OTOG: variants seen among roughly 807,000 people sequenced by gnomAD.
OTOG encodes otogelin.
In OTOG, 296 loss-of-function variants were observed where a neutral mutation model predicts 313.8. That is an observed-to-expected ratio of 0.94 (90% CI 0.86 to 1.04). The LOEUF (loss-of-function observed/expected upper bound fraction) is 1.04, where lower values mean the gene tolerates loss of function less well. Ranked by LOEUF, OTOG falls within the 50% of genes least tolerant of loss-of-function variation. OTOG has a pLI of 0.00. For missense variants in OTOG, 3,948 were observed against 3,840.1 expected (o/e 1.03, Z -0.74); for synonymous variants, 1,533 against 1,554.9 (o/e 0.99, Z 0.33).
At position 17,599,660 on chromosome 11, in the gene OTOG, C is replaced by G; in HGVS notation, c.3683-11C>G. 1 of 1,550,688 alleles carries G rather than the reference C, an allele frequency of 6.4e-7. No individual in the cohort carries two copies. Among genetic ancestry groups the G allele is most frequent in the Non-Finnish European group, 8.7e-7 (1 of 1,147,012 alleles). On this transcript the variant is annotated splice_polypyrimidine_tract_variant and intron_variant, in intron 30 of 55. Coordinates refer to ENST00000399397, the MANE Select transcript of OTOG (RefSeq NM_001292063.2). ...CTGGCTCTCAGGAAGTTCCTGTTCT[C>G]TCTCTTTCAGCGTATGACTGTGACT...
chr11:17,557,462 C>T, intron 8 of OTOG, 139 bp downstream of exon 8: 6 of 797,412 alleles, frequency 7.5e-6, no homozygotes, highest in South Asian at 1.8e-5. Flanking sequence ...AGGCCAAGGA[C>T]CCCTTCCTAA....
chr11:17,617,011 G>A (rs1193812079), intron 39 of OTOG, among the ~76,000 whole-genome samples: 1 of 152,176 alleles, frequency 6.6e-6, no homozygotes, highest in Non-Finnish European at 1.5e-5. Flanking sequence ...CCTTTATCAG[G>A]TTAAGAACAT....
chr11:17,569,008 A>G (rs922352094), intron 15 of OTOG, 148 bp from the exon 16 acceptor site: 1 of 956,366 alleles, frequency 1.0e-6, no homozygotes, highest in Non-Finnish European at 1.5e-6. Flanking sequence ...ATTTGGTTGG[A>G]TGATCCCTGA....
chr11:17,580,385 T>A (rs1452602996), intron 23 of OTOG, among the ~76,000 whole-genome samples: 1 of 152,234 alleles, frequency 6.6e-6, no homozygotes. Flanking sequence ...CAGATAGCAT[T>A]GTTTCTTCTC....
intron 9 of OTOG, 31 bp from the exon 10 acceptor site, chr11:17,558,507 C>T (rs946955619): frequency 5.8e-6 from 9 of 1,549,504 alleles, no homozygotes; most frequent in Non-Finnish European, 7.9e-6. Context: ...TTTGCCAGCC[C>T]CTAGCCCTGG....
chr11:17,613,372 CCCTCCTTCCT>C (rs1853642311), intron 38 of OTOG, among the ~76,000 whole-genome samples: 2 of 103,640 alleles, frequency 1.9e-5, no homozygotes, highest in South Asian at 2.9e-4. Flanking sequence ...TTCCTTCCTT[CCCTCCTTCCT>C]TCCTTCCTTC....
Position 17,610,156 on chromosome 11 carries a change from C to T in OTOG, c.4856C>T (p.Ala1619Val). 1 of 1,550,654 alleles carries T rather than the reference C, an allele frequency of 6.4e-7. No individual in the cohort carries two copies. Among genetic ancestry groups the T allele is most frequent in the Non-Finnish European group, 8.7e-7 (1 of 1,146,988 alleles). Residue 1619 changes from alanine to valine, a missense_variant, in exon 36 of 56, where the codon GCT becomes GTT. Transcript: ENST00000399397. Reference sequence around the variant, plus strand: ...CCTCGCTTCCCGCTCATGACCAAGGCTGTGACAGTCCGAGGCCATGGCTCC... The same window carrying T: ...CCTCGCTTCCCGCTCATGACCAAGGTTGTGACAGTCCGAGGCCATGGCTCC... Reference protein sequence around the residue: ...PAPRFPLMTKAVTVRGHGSLP... With the variant: ...PAPRFPLMTKVVTVRGHGSLP...
At chr11:17,609,344 G>A in intron 35 of OTOG, 135 bp downstream of exon 35, 1 of 797,462 alleles carries the variant, frequency 1.3e-6, no homozygotes, top group East Asian at 2.7e-5. Flanking sequence ...AAGAGGCACA[G>A]GCACAGGGGA....
intron 23 of OTOG, among the ~76,000 whole-genome samples, chr11:17,584,493 AT>A (rs1052051996): frequency 6.6e-6 from 1 of 151,286 alleles, no homozygotes; most frequent in African/African-American, 2.4e-5. Context: ...TATGCTGCAA[AT>A]TTTTTTATAA....
At position 17,558,642 on chromosome 11, in the gene OTOG, C is replaced by A; in HGVS notation, c.1101C>A (p.Cys367Ter). The change falls in exon 10 of 56, where the codon TGC (cysteine) becomes TGA (stop). Residue 367 changes from cysteine to a stop codon, truncating the protein, a stop_gained and splice_region_variant. Transcript: ENST00000399397. LOFTEE classifies it high-confidence loss of function. ...CAGCCAGTTGTACCAGTGATCTCTG[C>A]CAGTGAGTAGGGGTGGTGTGGGCTA... ...PFTASCTSDL[C>*]QSMGDVATWC... 3 of 1,549,338 alleles carry A rather than the reference C, an allele frequency of 1.9e-6. No homozygotes were observed. The highest frequency in any genetic ancestry group is 2.6e-6 in the Non-Finnish European group (3 of 1,146,912).
At position 17,632,277 on chromosome 11, in the gene OTOG, CCT is replaced by C. The variant is rs918164662; in HGVS notation, c.7072+52_7072+53del. ...TCCATTGTGACTATTGTTCCCATCC[CCT>C]GTTAAAGTGGGAAAAGGCTCCCGGC... On this transcript the variant is annotated intron_variant, in intron 42 of 55. Coordinates refer to ENST00000399397, the MANE Select transcript of OTOG (RefSeq NM_001292063.2). The C allele has an allele frequency of 1.5e-5, 23 of 1,506,780 alleles. No homozygotes were observed. The Admixed American group carries it at 2.7e-4, about 18-fold the overall frequency. The allele number at this position is 1,506,780 out of a possible 1,614,324, so 93.3% of individuals were successfully genotyped here. A position where few individuals can be genotyped will look rare whatever the true frequency, so the allele number is the denominator to read the frequency against.
chr11:17,637,070 G>A (rs952645797), intron 47 of OTOG, among the ~76,000 whole-genome samples: 4 of 152,082 alleles, frequency 2.6e-5, no homozygotes, highest in African/African-American at 4.8e-5. Flanking sequence ...TAGAAAGTAC[G>A]AATTCCAAGT....
Position 17,593,628 on chromosome 11 carries a change from G to T in OTOG, c.3160G>T (p.Asp1054Tyr), listed in dbSNP as rs1156644780. 2.6e-5 allele frequency: 41 copies of T among 1,548,868 alleles called. No individual in the cohort carries two copies. The highest frequency in any genetic ancestry group is 3.3e-5 in the Non-Finnish European group (38 of 1,146,990). Residue 1054 changes from aspartate (D) to tyrosine (Y), a missense_variant, in exon 27 of 56, where the codon GAT becomes TAT. Asp to Tyr is a radical substitution (Grantham distance 160, BLOSUM62 -3). Transcript: ENST00000399397. ...CCTCTAGAGTCCAGAGAGCTTCCTG[G>T]ATGACAAGCAGGAGGTCCACACATG... ...SGNPSPESFLDDKQEVHTWRV... is the reference protein window; with the variant it reads ...SGNPSPESFLYDKQEVHTWRV...
chr11:17,600,916 C>T (rs1036602513), intron 31 of OTOG, among the ~76,000 whole-genome samples: 11 of 152,208 alleles, frequency 7.2e-5, no homozygotes, highest in Non-Finnish European at 1.5e-4. Context: ...GGTCCGGGCC[C>T]GCCAGGTGTT....
At chr11:17,550,258 C>T (rs1339422858) in intron 3 of OTOG, among the ~76,000 whole-genome samples, 1 of 152,146 alleles carries the variant, frequency 6.6e-6, no homozygotes, top group East Asian at 1.9e-4. Context: ...AGTGATAAGG[C>T]CCACTGCTAG....
At chr11:17,554,811 G>A (rs558746529) in intron 6 of OTOG, among the ~76,000 whole-genome samples, 14 of 152,150 alleles carry the variant, frequency 9.2e-5, no homozygotes, top group South Asian at 2.1e-4. Context: ...CCATACACTC[G>A]TGGGTTACAA....
intron 39 of OTOG, among the ~76,000 whole-genome samples, chr11:17,616,735 T>C (rs1853729367): frequency 6.6e-6 from 1 of 152,258 alleles, no homozygotes; most frequent in Non-Finnish European, 1.5e-5. Flanking sequence ...CTTGCAACGT[T>C]ACTAAGCTCA....
intron 39 of OTOG, among the ~76,000 whole-genome samples, chr11:17,628,281 G>A (rs753378010): frequency 7.2e-5 from 11 of 152,074 alleles, no homozygotes; most frequent in Non-Finnish European, 1.6e-4. Flanking sequence ...TTTGTTTCAA[G>A]AAAAGTTTCA....
chr11:17,638,787 G>C, intron 48 of OTOG: 1 of 1,511,272 alleles, frequency 6.6e-7, no homozygotes, highest in Non-Finnish European at 8.9e-7. Context: ...ATTCCAAAGA[G>C]GGTTTCCGTC....
Sources: allele counts gnomAD v4.1 joint callset (sites outside exome capture counted in the v4.1 genomes callset), GRCh38; gene constraint gnomAD v4.1.1; transcripts MANE v1.5; gene names NCBI Gene and HGNC (gene_info 2026-07-23, HGNC 2026-07-21).